The following ENTREP2 variants were observed in gnomAD, a reference collection of about 807,000 sequenced individuals.
The protein encoded by ENTREP2 is protein ENTREP2.
chr15:29,219,798 T>C, the ENTREP2 span, among the ~76,000 whole-genome samples: 3 of 151,244 alleles, frequency 2.0e-5, no homozygotes, highest in East Asian at 5.8e-4. Context: ...CTCACTAATA[T>C]GTGGGAGCTA....
At chr15:29,134,339 C>T in the ENTREP2 span, among the ~76,000 whole-genome samples, 1 of 152,336 alleles carries the variant, frequency 6.6e-6, no homozygotes, top group East Asian at 1.9e-4. Flanking sequence ...TCCCACACAT[C>T]TGCTTCTAGC....
the ENTREP2 span, among the ~76,000 whole-genome samples, chr15:29,330,736 T>C: frequency 2.0e-5 from 3 of 152,200 alleles, no homozygotes; most frequent in East Asian, 1.9e-4. Flanking sequence ...TGAATAACCA[T>C]GGACTTTACA....
At chr15:29,262,717 A>C in the ENTREP2 span, among the ~76,000 whole-genome samples, 1 of 152,202 alleles carries the variant, frequency 6.6e-6, no homozygotes, top group South Asian at 2.1e-4. Flanking sequence ...TGCTCTTGCA[A>C]ATTATTTGAA....
chr15:29,266,370 C>CTA, the ENTREP2 span: 1 of 152,214 alleles, frequency 6.6e-6, no homozygotes, highest in African/African-American at 2.4e-5. Context: ...GGGAGTGTAA[C>CTA]TTGACACAAG....
chr15:29,460,896 C>T, the ENTREP2 span, among the ~76,000 whole-genome samples: 20 of 152,248 alleles, frequency 1.3e-4, no homozygotes, highest in African/African-American at 4.1e-4. Flanking sequence ...CAATTTTCTA[C>T]GAACTCTAGC....
At chr15:29,343,433 G>A in the ENTREP2 span, among the ~76,000 whole-genome samples, 1 of 152,062 alleles carries the variant, frequency 6.6e-6, no homozygotes, top group African/African-American at 2.4e-5. Context: ...GCCCAGCTGA[G>A]TTTCCAGCCT....
At chr15:29,172,117 T>A in the ENTREP2 span, among the ~76,000 whole-genome samples, 1 of 152,162 alleles carries the variant, frequency 6.6e-6, no homozygotes, top group African/African-American at 2.4e-5. Flanking sequence ...GGAAGCCAAC[T>A]AGATTTGAGC....
chr15:29,623,491 G>A, the ENTREP2 span, among the ~76,000 whole-genome samples: 1 of 152,186 alleles, frequency 6.6e-6, no homozygotes, highest in Non-Finnish European at 1.5e-5. Context: ...GCAAGTAAAC[G>A]TGAAAAATGA....
chr15:29,223,181 T>C, the ENTREP2 span, among the ~76,000 whole-genome samples: 1 of 152,214 alleles, frequency 6.6e-6, no homozygotes, highest in African/African-American at 2.4e-5. Flanking sequence ...GGGGAGATCA[T>C]ATAGTATTTG....
chr15:29,331,345 T>C, the ENTREP2 span, among the ~76,000 whole-genome samples: 1 of 151,854 alleles, frequency 6.6e-6, no homozygotes, highest in African/African-American at 2.4e-5. Flanking sequence ...AGTGATGGGC[T>C]GGGGACACCT....
chr15:29,407,871 G>A, the ENTREP2 span, among the ~76,000 whole-genome samples: 9 of 151,962 alleles, frequency 5.9e-5, no homozygotes, highest in East Asian at 1.9e-4. Context: ...TGGAGATAGC[G>A]TTTCACCATG....
the ENTREP2 span, among the ~76,000 whole-genome samples, chr15:29,605,793 C>A: frequency 6.6e-6 from 1 of 152,002 alleles, no homozygotes; most frequent in South Asian, 2.1e-4. Flanking sequence ...GCCGAGAGCA[C>A]CATTGCACTC....
At chr15:29,328,840 T>A in the ENTREP2 span, among the ~76,000 whole-genome samples, 6 of 152,150 alleles carry the variant, frequency 3.9e-5, no homozygotes, top group Admixed American at 3.9e-4. Context: ...GATGGTTATA[T>A]ATAGAAATAG....
the ENTREP2 span, among the ~76,000 whole-genome samples, chr15:29,229,190 G>A: frequency 3.6e-5 from 5 of 137,322 alleles, no homozygotes; most frequent in Non-Finnish European, 8.1e-5. Context: ...TTTAAAATAT[G>A]CTTAAATAAT....
chr15:29,452,708 T>C, the ENTREP2 span: 7 of 152,070 alleles, frequency 4.6e-5, no homozygotes, highest in African/African-American at 7.2e-5. Context: ...TCTTTTCTGC[T>C]ACTGGGAGCT....
At chr15:29,642,365 TG>T in the ENTREP2 span, among the ~76,000 whole-genome samples, 1 of 151,618 alleles carries the variant, frequency 6.6e-6, no homozygotes, top group Non-Finnish European at 1.5e-5. Context: ...TTTTCATTAA[TG>T]GTGCCAAAAC....
At chr15:29,557,406 T>C in the ENTREP2 span, among the ~76,000 whole-genome samples, 2 of 152,122 alleles carry the variant, frequency 1.3e-5, no homozygotes, top group Non-Finnish European at 2.9e-5. Context: ...AGCTCCACAG[T>C]TGAGGATCCC....
the ENTREP2 span, among the ~76,000 whole-genome samples, chr15:29,673,875 T>C: frequency 2.0e-5 from 3 of 151,352 alleles, no homozygotes; most frequent in African/African-American, 7.4e-5. Context: ...TAGTTGTCTG[T>C]TATAATTTTG....
the ENTREP2 span, among the ~76,000 whole-genome samples, chr15:29,349,475 C>T: frequency 6.6e-6 from 1 of 152,134 alleles, no homozygotes; most frequent in Non-Finnish European, 1.5e-5. Flanking sequence ...TACTGGCAAA[C>T]TGGAATGTAA....
Sources: gnomAD v4.1 joint callset for allele counts (sites outside exome capture counted in the v4.1 genomes callset) on GRCh38, gnomAD v4.1.1 for gene constraint, MANE v1.5 for transcripts, NCBI Gene and HGNC (gene_info 2026-07-23, HGNC 2026-07-21) for gene names.